DMD: variants seen among roughly 807,000 people sequenced by gnomAD.
DMD encodes the protein mutant dystrophin.
A neutral mutation model predicts 330.1 loss-of-function variants in DMD; 63 were observed. The ratio of observed to expected loss-of-function variants is 0.19; its 90% CI spans 0.16 to 0.24. The LOEUF (loss-of-function observed/expected upper bound fraction) is 0.24, where lower values mean the gene tolerates loss of function less well. Ranked by LOEUF, DMD falls within the 10% of genes least tolerant of loss-of-function variation. DMD has a pLI of 1.00. For synonymous variants in DMD, 1,223 were observed against 959.8 expected, an observed-to-expected ratio of 1.27 and a Z score of -5.07; for missense variants, 3,344 against 2,684.1, an observed-to-expected ratio of 1.25 and a Z score of -5.43.
chrX:32,543,039 A>G (rs1402909125), intron 17 of DMD, among the ~76,000 whole-genome samples: 3 of 112,004 alleles, frequency 2.7e-5, no homozygotes, highest in Admixed American at 9.5e-5. Flanking sequence ...TCTGAGGTAC[A>G]CTGTAGCTGT....
chrX:31,387,379 A>T (rs1378235284), intron 60 of DMD, among the ~76,000 whole-genome samples: 1 of 110,952 alleles, frequency 9.0e-6, no homozygotes, highest in Admixed American at 9.6e-5. Flanking sequence ...AGACTAGATG[A>T]TCTCATGATA....
intron 51 of DMD, among the ~76,000 whole-genome samples, chrX:31,748,929 G>A (rs978531817): frequency 8.1e-4 from 90 of 110,980 alleles, no homozygotes; most frequent in African/African-American, 2.8e-3. Context: ...CTACAATTTC[G>A]TAAGCAGCTA....
chrX:31,712,655 T>C (rs1413211749), intron 52 of DMD, among the ~76,000 whole-genome samples: 2 of 111,755 alleles, frequency 1.8e-5, no homozygotes, highest in Non-Finnish European at 3.8e-5. Flanking sequence ...AATCCCTTTA[T>C]AGTCTTCCTT....
At chrX:31,652,976 G>A (rs1376835740) in intron 54 of DMD, among the ~76,000 whole-genome samples, 1 of 111,180 alleles carries the variant, frequency 9.0e-6, no homozygotes, top group Non-Finnish European at 1.9e-5. Flanking sequence ...TAAAGGGGAG[G>A]AGCAAAAAGA....
At chrX:32,282,641 G>A (rs1467492137) in intron 43 of DMD, among the ~76,000 whole-genome samples, 1 of 112,032 alleles carries the variant, frequency 8.9e-6, no homozygotes, top group Non-Finnish European at 1.9e-5. Flanking sequence ...TAATGAATGA[G>A]CAGTCATAAA....
chrX:31,683,852 A>G (rs750385057), intron 52 of DMD, among the ~76,000 whole-genome samples: 15 of 112,500 alleles, frequency 1.3e-4, no homozygotes, highest in Non-Finnish European at 2.3e-4. Flanking sequence ...ATTTATTTGA[A>G]TATCTACACT....
intron 7 of DMD, among the ~76,000 whole-genome samples, chrX:32,786,594 CT>C (rs1309846303): frequency 1.8e-5 from 2 of 111,884 alleles, no homozygotes; most frequent in Non-Finnish European, 3.8e-5. Flanking sequence ...GTTTATAAAA[CT>C]TTTCCATTTA....
intron 9 of DMD, among the ~76,000 whole-genome samples, chrX:32,673,431 AG>A (rs2061759266): frequency 9.0e-6 from 1 of 111,504 alleles, no homozygotes; most frequent in South Asian, 3.7e-4. Flanking sequence ...TTGTTTTTGA[AG>A]TACAGAAAAA....
At chrX:32,089,033 C>G (rs2096458867) in intron 44 of DMD, among the ~76,000 whole-genome samples, 1 of 111,374 alleles carries the variant, frequency 9.0e-6, no homozygotes, top group Admixed American at 9.6e-5. Flanking sequence ...TTTAGGTATC[C>G]CTTTGCTTAA....
intron 26 of DMD, among the ~76,000 whole-genome samples, chrX:32,449,347 G>C (rs1249850843): frequency 1.8e-5 from 2 of 110,155 alleles, no homozygotes; most frequent in African/African-American, 6.6e-5. Flanking sequence ...TCTGAATCCA[G>C]ACAAAAACAT....
chrX:32,096,770 T>C (rs1474702265), intron 44 of DMD, among the ~76,000 whole-genome samples: 1 of 111,399 alleles, frequency 9.0e-6, no homozygotes, highest in Non-Finnish European at 1.9e-5. Context: ...TAAGACTATA[T>C]ACGCATAGCA....
intron 50 of DMD, among the ~76,000 whole-genome samples, chrX:31,785,148 C>G (rs1446122469): frequency 8.9e-6 from 1 of 112,030 alleles, no homozygotes; most frequent in East Asian, 2.8e-4. Flanking sequence ...CATGGGTGTA[C>G]CTTGAAGACA....
chrX:33,076,133 C>CA (rs780349719), intron 1 of DMD, among the ~76,000 whole-genome samples: 125 of 110,184 alleles, frequency 1.1e-3, no homozygotes, highest in South Asian at 2.7e-3. Flanking sequence ...TATGACCCCC[C>CA]ACTCAGGAAC....
Position 32,986,519 on chromosome X carries a change from A to T in DMD, c.93+33620T>A, listed in dbSNP as rs1228226239. 2.7e-5 allele frequency among the ~76,000 whole-genome samples: 3 copies of T among 112,385 alleles called. No homozygotes were observed. The East Asian group carries it at 8.3e-4, about 31-fold the overall frequency. On this transcript the variant is annotated intron_variant, in intron 2 of 78. Transcript: ENST00000357033. The stretch of plus-strand genomic sequence containing the variant: ...AGATAAATGTGTGCACACACAACAC[A>T]TTACGGCCAATTCAAATTTTAAAAC...
intron 17 of DMD, among the ~76,000 whole-genome samples, chrX:32,541,860 A>C (rs748261888): frequency 9.0e-6 from 1 of 111,719 alleles, no homozygotes; most frequent in South Asian, 3.8e-4. Context: ...CTGATTCCAA[A>C]AGCAATGATT....
intron 64 of DMD, among the ~76,000 whole-genome samples, chrX:31,213,083 C>T (rs1360776970): frequency 8.9e-6 from 1 of 112,588 alleles, no homozygotes; most frequent in Non-Finnish European, 1.9e-5. Flanking sequence ...CCCAGGCATG[C>T]CACTCTACAG....
chrX:31,988,668 A>G (rs1195508473), intron 44 of DMD, among the ~76,000 whole-genome samples: 2 of 109,964 alleles, frequency 1.8e-5, no homozygotes, highest in East Asian at 5.7e-4. Flanking sequence ...TAACTCCATG[A>G]AAAATTGAGG....
At chrX:32,988,099 T>C (rs1222915696) in intron 2 of DMD, among the ~76,000 whole-genome samples, 8 of 111,104 alleles carry the variant, frequency 7.2e-5, no homozygotes, top group African/African-American at 2.6e-4. Context: ...TGTACTTGTG[T>C]GTGTGCACAA....
At chrX:33,212,174 G>T (rs1446528336), upstream of DMD, among the ~76,000 whole-genome samples, 2 of 112,527 alleles carry the variant, frequency 1.8e-5, no homozygotes, top group Non-Finnish European at 3.8e-5. Context: ...ATGCAGGAAA[G>T]AAATTTTTCT....
Sources: allele counts gnomAD v4.1 joint callset (sites outside exome capture counted in the v4.1 genomes callset), GRCh38; gene constraint gnomAD v4.1.1; transcripts MANE v1.5; gene names NCBI Gene and HGNC (gene_info 2026-07-23, HGNC 2026-07-21).